ASTN2: variants seen among roughly 807,000 people sequenced by gnomAD.
ASTN2 encodes the protein astrotactin-2.
ASTN2 carries 54 observed loss-of-function variants against 139.8 expected under a neutral mutation model. That is an observed-to-expected ratio of 0.39 (90% CI 0.31 to 0.48). The LOEUF is 0.48. Among genes scored for constraint, ASTN2 ranks in the 20% least tolerant of loss-of-function variants. The pLI is 0.95. For missense variants in ASTN2, 1,565 were observed against 1,725.1 expected (o/e 0.91, Z 1.64); for synonymous variants, 756 against 719.5 (o/e 1.05, Z -0.81).
At chr9:117,220,222 G>T (rs1452825724) in intron 2 of ASTN2, among the ~76,000 whole-genome samples, 1 of 151,986 alleles carries the variant, frequency 6.6e-6, no homozygotes, top group African/African-American at 2.4e-5. Context: ...GCTTCCTGGG[G>T]TCCTTAAAAT....
intron 3 of ASTN2, among the ~76,000 whole-genome samples, chr9:117,194,059 G>A (rs1223541391): frequency 6.6e-6 from 1 of 152,178 alleles, no homozygotes; most frequent in Non-Finnish European, 1.5e-5. Context: ...AGGGCAGGTT[G>A]AGCACATTTC....
At chr9:116,453,647 A>G (rs1477205744) in intron 20 of ASTN2, among the ~76,000 whole-genome samples, 2 of 151,194 alleles carry the variant, frequency 1.3e-5, no homozygotes, top group Admixed American at 6.6e-5. Flanking sequence ...AAACACCCAG[A>G]ACAGTGCTTG....
chr9:117,316,813 T>G (rs940161045), intron 1 of ASTN2, among the ~76,000 whole-genome samples: 1 of 152,158 alleles, frequency 6.6e-6, no homozygotes, highest in Non-Finnish European at 1.5e-5. Context: ...AGACAGCTTA[T>G]AGATATCTCG....
intron 4 of ASTN2, among the ~76,000 whole-genome samples, chr9:117,099,677 C>T (rs36030096): frequency 0.11 from 16,521 of 152,212 alleles, 1,110 homozygotes; most frequent in Non-Finnish European, 0.16. Context: ...AATGAAGGCA[C>T]GTAGAAATTA....
chr9:116,450,420 T>C (rs1304037061), intron 20 of ASTN2, among the ~76,000 whole-genome samples: 5 of 152,214 alleles, frequency 3.3e-5, no homozygotes. Flanking sequence ...ATTCCTATTT[T>C]ACAGTTAGGA....
At chr9:117,153,360 G>C (rs982349557) in intron 3 of ASTN2, among the ~76,000 whole-genome samples, 3 of 152,098 alleles carry the variant, frequency 2.0e-5, no homozygotes, top group Non-Finnish European at 4.4e-5. Flanking sequence ...CCTGTGAGAT[G>C]AGAACAACAC....
intron 5 of ASTN2, among the ~76,000 whole-genome samples, chr9:117,061,027 A>G (rs1227800867): frequency 6.6e-6 from 1 of 152,196 alleles, no homozygotes; most frequent in African/African-American, 2.4e-5. Context: ...TTACCAGCAT[A>G]CCACTGGGTT....
intron 2 of ASTN2, among the ~76,000 whole-genome samples, chr9:117,242,002 GTCTTT>G (rs1473423173): frequency 1.3e-4 from 12 of 89,590 alleles, no homozygotes; most frequent in Admixed American, 6.6e-4. Flanking sequence ...TCTTTGGCAA[GTCTTT>G]TTTTTTTTTT....
intron 7 of ASTN2, among the ~76,000 whole-genome samples, chr9:116,988,934 A>C (rs973632655): frequency 2.0e-5 from 3 of 152,038 alleles, no homozygotes; most frequent in Non-Finnish European, 4.4e-5. Context: ...GGGGAACACA[A>C]CTCTGTTCTC....
In ASTN2 at chr9:116,764,488, C is replaced by T. The variant is rs563888390; in HGVS notation, c.2397-30965G>A. Among the ~76,000 whole-genome samples, 3 of 152,250 alleles carry T rather than the reference C, an allele frequency of 2.0e-5. No homozygotes were observed. The South Asian group carries it at 6.2e-4, about 32-fold the overall frequency. ...TTCCAAGGTGTCAATACCAAAGCCACTCCTTAAAAAACATTCTGCTTGTTG... is the reference window on the plus strand; with the variant it reads ...TTCCAAGGTGTCAATACCAAAGCCATTCCTTAAAAAACATTCTGCTTGTTG... On this transcript the variant is annotated intron_variant, in intron 13 of 22. Transcript: ENST00000313400.
rs527629910 is a variant in ASTN2, at chr9:116,975,421, A to G, written c.1752-76T>C. ...ACAGAAAAAAGGGGCCCCTGTTCCCATCCCTTCTAGGGCAATTTCCTACTT... is the reference window on the plus strand; with the variant it reads ...ACAGAAAAAAGGGGCCCCTGTTCCCGTCCCTTCTAGGGCAATTTCCTACTT... On this transcript the variant is annotated intron_variant, in intron 9 of 22. Coordinates refer to ENST00000313400, the MANE Select transcript of ASTN2 (RefSeq NM_001365068.1). 6.2e-6 allele frequency: 9 copies of G among 1,442,340 alleles called. No individual in the cohort carries two copies. In the East Asian group the frequency reaches 2.2e-4, roughly 35 times the overall value. 89.3% of individuals were successfully genotyped at this position (1,442,340 alleles called of 1,614,324 possible).
At chr9:116,551,407 C>T (rs1454599717) in intron 19 of ASTN2, among the ~76,000 whole-genome samples, 1 of 152,164 alleles carries the variant, frequency 6.6e-6, no homozygotes, top group Admixed American at 6.5e-5. Context: ...ATAATTTCTT[C>T]CTGTCCTGTT....
intron 16 of ASTN2, among the ~76,000 whole-genome samples, chr9:116,670,621 T>C (rs1462105470): frequency 6.6e-6 from 1 of 152,072 alleles, no homozygotes; most frequent in African/African-American, 2.4e-5. Flanking sequence ...AGATGTCAGT[T>C]GATGGAGTGG....
At chr9:116,452,524 G>C (rs1185336895) in intron 20 of ASTN2, among the ~76,000 whole-genome samples, 2 of 152,110 alleles carry the variant, frequency 1.3e-5, no homozygotes, top group Admixed American at 1.3e-4. Flanking sequence ...ACATTTCCTG[G>C]GCACATACTC....
intron 7 of ASTN2, among the ~76,000 whole-genome samples, chr9:116,990,258 A>C (rs1836814233): frequency 6.6e-6 from 1 of 152,138 alleles, no homozygotes; most frequent in Non-Finnish European, 1.5e-5. Context: ...TTCTTCTTAA[A>C]AGTTCTTTTG....
chr9:116,642,833 C>G (rs1174953019), intron 17 of ASTN2, among the ~76,000 whole-genome samples: 1 of 152,200 alleles, frequency 6.6e-6, no homozygotes, highest in African/African-American at 2.4e-5. Context: ...TTGAAAGACT[C>G]TATATGGTTT....
chr9:117,180,811 T>C (rs753089142), intron 3 of ASTN2: 188 of 1,542,780 alleles, frequency 1.2e-4, no homozygotes, highest in Middle Eastern at 1.7e-4. Flanking sequence ...TTCAAATTCA[T>C]CAACATTGAA....
At chr9:116,652,973 A>T (rs979447243) in intron 16 of ASTN2, among the ~76,000 whole-genome samples, 3 of 152,146 alleles carry the variant, frequency 2.0e-5, no homozygotes, top group Non-Finnish European at 4.4e-5. Flanking sequence ...TACTGTCTTT[A>T]GGGAGTCATT....
chr9:116,667,586 T>C (rs1057450573), intron 16 of ASTN2, among the ~76,000 whole-genome samples: 4 of 152,180 alleles, frequency 2.6e-5, no homozygotes, highest in East Asian at 3.9e-4. Context: ...AAAATCTTCC[T>C]TAATAAAACA....
Sources: allele counts gnomAD v4.1 joint callset (sites outside exome capture counted in the v4.1 genomes callset), GRCh38; gene constraint gnomAD v4.1.1; transcripts MANE v1.5; gene names NCBI Gene and HGNC (gene_info 2026-07-23, HGNC 2026-07-21).